The following KMT2D variants were observed in gnomAD, a reference collection of about 807,000 sequenced individuals.
KMT2D encodes histone-lysine N-methyltransferase 2D.
A neutral mutation model predicts 512.7 loss-of-function variants in KMT2D; 55 were observed. The observed-to-expected ratio is 0.11, with a 90% CI of 0.09 to 0.13. KMT2D has a LOEUF of 0.13. Ranked by LOEUF, KMT2D falls within the 10% of genes least tolerant of loss-of-function variation. The probability of loss-of-function intolerance (pLI) is 1.00; values close to 1 mark genes in which losing one functional copy is unlikely to be tolerated. For missense variants in KMT2D, 6,061 were observed against 7,127.9 expected, an observed-to-expected ratio of 0.85 and a Z score of 5.39; for synonymous variants, 2,995 against 2,904.0, an observed-to-expected ratio of 1.03 and a Z score of -1.01.
In KMT2D at chr12:49,041,218, G is replaced by A; in HGVS notation, c.6552C>T (p.Pro2184=). 6.6e-7 allele frequency: 1 copy of A among 1,512,280 alleles called. No homozygotes were observed. 93.7% of individuals were successfully genotyped at this position (1,512,280 alleles called of 1,614,324 possible). A position where few individuals can be genotyped will look rare whatever the true frequency, so the allele number is the denominator to read the frequency against. The change falls in exon 32 of 55, where the codon CCC becomes CCT. Residue 2184 remains proline (P), a synonymous_variant. Coordinates refer to ENST00000301067, the MANE Select transcript of KMT2D (RefSeq NM_003482.4). This position sits in a 1 kb window ranked among gnomAD's most constrained non-coding sequence, Gnocchi z 5.4. The stretch of plus-strand genomic sequence containing the variant: ...GTGCCGTGGGGAAGCGGGGCTCCAG[G>A]GGATAGGCAGGGGCCAGTCCAAAGG... ...QDPFGLAPAY[P]LEPRFPTAPP... is the part of the protein sequence containing the mutation.
Position 49,024,732 on chromosome 12 carries a change from C to T in KMT2D, c.15922-24G>A, listed in dbSNP as rs1942489577. On this transcript the variant is annotated intron_variant, in intron 50 of 54. Coordinates refer to ENST00000301067, the MANE Select transcript of KMT2D (RefSeq NM_003482.4). The surrounding 1 kb of genome is among the most constrained non-coding windows in gnomAD (Gnocchi z 4.5). ...AGCTGTGGGCACAGTTCATACTCAC[C>T]TTAGCCTGAGTTTTTTTGGGGTTAG... 6.2e-7 allele frequency: 1 copy of T among 1,610,278 alleles called. No homozygotes were observed. The highest frequency in any genetic ancestry group is 1.3e-5 in the African/African-American group (1 of 74,854).
At position 49,054,447 on chromosome 12, in the gene KMT2D, GA is replaced by G. The variant is rs1938278892; in HGVS notation, c.401-32del. 1.9e-6 allele frequency: 3 copies of G among 1,569,058 alleles called. No individual in the cohort carries two copies. The highest frequency in any genetic ancestry group is 2.6e-6 in the Non-Finnish European group (3 of 1,156,380). On this transcript the variant is annotated intron_variant, in intron 4 of 54. Coordinates refer to ENST00000301067, the MANE Select transcript of KMT2D (RefSeq NM_003482.4). This position sits in a 1 kb window ranked among gnomAD's most constrained non-coding sequence, Gnocchi z 6.4. Reference sequence around the variant, plus strand: ...CAGGTGGGAAGAGGTAAAGAGAAAGGAAAGAATTAACAAAAAGAGGATTGCT... The same window carrying G: ...CAGGTGGGAAGAGGTAAAGAGAAAGGAAGAATTAACAAAAAGAGGATTGCT...
chr12:49,045,024 G>A (rs1464902709), intron 19 of KMT2D, 59 bp from the exon 20 acceptor site: 3 of 1,504,576 alleles, frequency 2.0e-6, no homozygotes, highest in Non-Finnish European at 2.8e-6. Context: ...AACCAGAACT[G>A]CAAGTTTCAA....
chr12:49,060,328 T>C lies in KMT2D; in HGVS notation c.-753A>G, dbSNP rs961694577. On this transcript the variant is annotated 5_prime_UTR_variant, in exon 1 of 55. Coordinates refer to ENST00000301067, the MANE Select transcript of KMT2D (RefSeq NM_003482.4). ...AGGAAGGGGCGGGCGGTGCGAGCCC[T>C]CTGCCCGCTCCCCTCCGGCCGCTCC... 6.6e-6 allele frequency among the ~76,000 whole-genome samples: 1 copy of C among 151,798 alleles called. No homozygotes were observed. The highest frequency in any genetic ancestry group is 1.5e-5 in the Non-Finnish European group (1 of 67,930).
At position 49,027,823 on chromosome 12, in the gene KMT2D, T is replaced by C. The variant is rs200051300; in HGVS notation, c.14623A>G (p.Ile4875Val). 16 of 1,577,574 alleles carry C rather than the reference T, an allele frequency of 1.0e-5. No individual in the cohort carries two copies. The highest frequency in any genetic ancestry group is 2.3e-5 in the East Asian group (1 of 42,786). The change falls in exon 48 of 55, where the codon ATC (isoleucine) becomes GTC (valine). Residue 4875 changes from isoleucine to valine, a missense_variant. Coordinates refer to ENST00000301067, the MANE Select transcript of KMT2D (RefSeq NM_003482.4). ...PGYTLKSQLD[I>V]LSLLKQESPA... Reference sequence around the variant, plus strand: ...CCTACCTGTTTCAGGAGGCTCAAGATGTCTAGTTGGCTCTTCAGGGTATAG... The same window carrying C: ...CCTACCTGTTTCAGGAGGCTCAAGACGTCTAGTTGGCTCTTCAGGGTATAG...
rs1938269281 is a variant in KMT2D at position 49,054,345 on chromosome 12, A to C, written c.472T>G (p.Cys158Gly). ...GVWGQEGPEL[C>G]GVDKAIFSGI... The stretch of plus-strand genomic sequence containing the variant: ...GAGAAGATGGCCTTGTCCACACCAC[A>C]TAGTTCTGGGCCCTCCTGCCCCCAT... Residue 158 changes from cysteine to glycine, a missense_variant, in exon 5 of 55, where the codon TGT (cysteine) becomes GGT (glycine). Cys to Gly is a radical substitution (Grantham distance 159, BLOSUM62 -3). This residue lies in a region of KMT2D where 160 missense variants were observed against 225.8 expected (regional missense o/e 0.71). Transcript: ENST00000301067. The surrounding 1 kb of genome is among the most constrained non-coding windows in gnomAD (Gnocchi z 6.4). 3 of 1,597,676 alleles carry C rather than the reference A, an allele frequency of 1.9e-6. No individual in the cohort carries two copies. Among genetic ancestry groups the C allele is most frequent in the Non-Finnish European group, 2.6e-6 (3 of 1,172,298 alleles).
rs2120645277 is a variant in KMT2D at position 49,050,072 on chromosome 12, G to A, written c.3516C>T (p.Cys1172=). 1 of 1,613,788 alleles carries A rather than the reference G, an allele frequency of 6.2e-7. No homozygotes were observed. Among genetic ancestry groups the A allele is most frequent in the Non-Finnish European group, 8.5e-7 (1 of 1,179,886 alleles). The change falls in exon 12 of 55, where the codon TGC becomes TGT. Residue 1172 remains cysteine (C), a synonymous_variant. Transcript: ENST00000301067. ...PVTPMEVYPE[C]KQTAGQGSPC... ...GTGAGCCCTGCCCTGCTGTCTGCTT[G>A]CATTCGGGGTAGACCTCCATAGGGG...
intron 42 of KMT2D, 75 bp from the exon 43 acceptor site, chr12:49,030,514 C>A (rs1336762367): frequency 3.5e-6 from 5 of 1,447,618 alleles, no homozygotes; most frequent in Non-Finnish European, 2.8e-6. Flanking sequence ...CCCCACTCTA[C>A]GTCAGCAATT....
chr12:49,051,299 G>A lies in KMT2D; in HGVS notation c.2384C>T (p.Pro795Leu), dbSNP rs778097808. ...TTCCTCAGGCTGAGGGGACAGATGT[G>A]GTCCCTCAGCCTGGGGGGACAAGTG... ...EPHLSPQAEG[P>L]HLSPQPEELH... The change falls in exon 11 of 55, where the codon CCA becomes CTA. Residue 795 changes from proline (P) to leucine (L), a missense_variant. Coordinates refer to ENST00000301067, the MANE Select transcript of KMT2D (RefSeq NM_003482.4). 1 of 1,577,956 alleles carries A rather than the reference G, an allele frequency of 6.3e-7. No individual in the cohort carries two copies. Among genetic ancestry groups the A allele is most frequent in the Non-Finnish European group, 8.6e-7 (1 of 1,159,490 alleles).
Position 49,045,902 on chromosome 12 carries a change from A to C in KMT2D, c.4741+18T>G. 1 of 1,608,976 alleles carries C rather than the reference A, an allele frequency of 6.2e-7. No homozygotes were observed. Among genetic ancestry groups the C allele is most frequent in the Non-Finnish European group, 8.5e-7 (1 of 1,175,404 alleles). ...GACGTCTGGTCTGGCTTTGGCATTC[A>C]AAATTTCTGTGACTCACCTGGCTCT... On this transcript the variant is annotated intron_variant, in intron 19 of 54. Transcript: ENST00000301067.
rs762461858 is a variant in KMT2D, at chr12:49,034,661, T to C, written c.10361A>G (p.Gln3454Arg). The C allele has an allele frequency of 6.2e-7, 1 of 1,612,788 alleles. No individual in the cohort carries two copies. The highest frequency in any genetic ancestry group is 2.2e-5 in the East Asian group (1 of 44,830). Residue 3454 changes from glutamine to arginine, a missense_variant, in exon 37 of 55, where the codon CAA becomes CGA. Around this residue, in one of 16 missense-constraint regions of KMT2D, gnomAD observed 533 missense variants for 539.6 expected, o/e 0.99. Coordinates refer to ENST00000301067, the MANE Select transcript of KMT2D (RefSeq NM_003482.4). ...IGVAPGMNRQ[Q>R]VSLLAQRLSG... ...GAGCCTCTGGGCTAGCAGAGACACTTGCTGTCTGGAGTCCACCAAAGCACA... is the reference window on the plus strand; with the variant it reads ...GAGCCTCTGGGCTAGCAGAGACACTCGCTGTCTGGAGTCCACCAAAGCACA...
At position 49,044,099 on chromosome 12, in the gene KMT2D, G is replaced by A. The variant is rs1943671722; in HGVS notation, c.5188+101C>T. On this transcript the variant is annotated intron_variant, in intron 22 of 54. Transcript: ENST00000301067. The surrounding 1 kb of genome is among the most constrained non-coding windows in gnomAD (Gnocchi z 6.4). ...TACTCTCTCCCACAACACCAGCTGGGTCTACCACCCTCTTGGCCCTTTCAA... is the reference window on the plus strand; with the variant it reads ...TACTCTCTCCCACAACACCAGCTGGATCTACCACCCTCTTGGCCCTTTCAA... 1.3e-6 allele frequency: 2 copies of A among 1,589,904 alleles called. No individual in the cohort carries two copies. Among genetic ancestry groups the A allele is most frequent in the African/African-American group, 1.3e-5 (1 of 74,586 alleles).
Position 49,051,490 on chromosome 12 carries a change from C to A in KMT2D, c.2193G>T (p.Glu731Asp), listed in dbSNP as rs759469160. Residue 731 changes from glutamate (E) to aspartate (D), a missense_variant, in exon 11 of 55, where the codon GAG becomes GAT. Around this residue, in one of 16 missense-constraint regions of KMT2D, gnomAD observed 848 missense variants for 838.5 expected, o/e 1.01. Coordinates refer to ENST00000301067, the MANE Select transcript of KMT2D (RefSeq NM_003482.4). ...CCTCGGACCGGGGGCAGAGTTGCGG[C>A]TCCTCAGGTAGTGGCAACAGGGGTG... Reference protein sequence around the residue: ...EESPLLPLPEEPQLCPRSEGP... With the variant: ...EESPLLPLPEDPQLCPRSEGP... 12 of 1,613,712 alleles carry A rather than the reference C, an allele frequency of 7.4e-6. No homozygotes were observed. The highest frequency in any genetic ancestry group is 1.0e-5 in the Non-Finnish European group (12 of 1,179,760).
Position 49,050,737 on chromosome 12 carries a change from G to A in KMT2D, c.2851C>T (p.Leu951=), listed in dbSNP as rs2120656065. 1 of 1,613,092 alleles carries A rather than the reference G, an allele frequency of 6.2e-7. No individual in the cohort carries two copies. The highest frequency in any genetic ancestry group is 8.5e-7 in the Non-Finnish European group (1 of 1,179,334). ...PIITAAAPPA[L]SPLGELEYPF... ...TACTCTAACTCCCCCAAAGGAGACA[G>A]GGCCGGTGGGGCCGCAGCTGTGATG... The change falls in exon 12 of 55, where the codon CTG becomes TTG. Residue 951 remains leucine (L), a synonymous_variant. Transcript: ENST00000301067.
At position 49,031,377 on chromosome 12, in the gene KMT2D, G is replaced by C; in HGVS notation, c.13328C>G (p.Pro4443Arg). The part of the protein sequence containing the change: ...REANGEPIGA[P>R]GTSNHLLLAG... ...CAGCAGGAGGTGGTTGCTGGTTCCT[G>C]GTGCCCCTATTGGCTCCCCATTGGC... The change falls in exon 40 of 55, where the codon CCA (proline) becomes CGA (arginine). Residue 4443 changes from proline (P) to arginine (R), a missense_variant. Pro to Arg is a moderately radical substitution (Grantham distance 103). This residue lies in a region of KMT2D where 1,600 missense variants were observed against 1,754.9 expected (regional missense o/e 0.91). Coordinates refer to ENST00000301067, the MANE Select transcript of KMT2D (RefSeq NM_003482.4). The C allele has an allele frequency of 1.2e-6, 2 of 1,613,568 alleles. No homozygotes were observed. The highest frequency in any genetic ancestry group is 1.7e-6 in the Non-Finnish European group (2 of 1,179,886).
In KMT2D at chr12:49,049,198, T is replaced by G; in HGVS notation, c.3927A>C (p.Pro1309=). ...CTCCTCCACGAGGCCGGCGTCTTCC[T>G]GGGAAACTGCTGCTGCGACCCTGAG... ...RIKQGRSSSF[P]GRRRPRGGAH... Residue 1309 remains proline, a synonymous_variant, in exon 13 of 55, where the codon CCA becomes CCC. Transcript: ENST00000301067. The G allele has an allele frequency of 6.2e-7, 1 of 1,605,610 alleles. No individual in the cohort carries two copies. The highest frequency in any genetic ancestry group is 8.5e-7 in the Non-Finnish European group (1 of 1,175,572).
rs200051300 is a variant in KMT2D at position 49,027,823 on chromosome 12, T to G, written c.14623A>C (p.Ile4875Leu). Reference sequence around the variant, plus strand: ...CCTACCTGTTTCAGGAGGCTCAAGATGTCTAGTTGGCTCTTCAGGGTATAG... The same window carrying G: ...CCTACCTGTTTCAGGAGGCTCAAGAGGTCTAGTTGGCTCTTCAGGGTATAG... ...PGYTLKSQLD[I>L]LSLLKQESPA... The change falls in exon 48 of 55, where the codon ATC becomes CTC. Residue 4875 changes from isoleucine (I) to leucine (L), a missense_variant. Around this residue, in one of 16 missense-constraint regions of KMT2D, gnomAD observed 1,600 missense variants for 1,754.9 expected, o/e 0.91. Transcript: ENST00000301067. The G allele has an allele frequency of 5.7e-6, 9 of 1,577,574 alleles. No homozygotes were observed. The South Asian group carries it at 1.0e-4, about 18-fold the overall frequency.
rs745985095 is a variant in KMT2D, at chr12:49,037,731, G to T, written c.9625C>A (p.Leu3209Met). 1 of 1,588,956 alleles carries T rather than the reference G, an allele frequency of 6.3e-7. No homozygotes were observed. Among genetic ancestry groups the T allele is most frequent in the East Asian group, 2.3e-5 (1 of 43,596 alleles). Residue 3209 changes from leucine (L) to methionine (M), a missense_variant, in exon 35 of 55, where the codon CTG becomes ATG. Around this residue, in one of 16 missense-constraint regions of KMT2D, gnomAD observed 533 missense variants for 539.6 expected, o/e 0.99. Coordinates refer to ENST00000301067, the MANE Select transcript of KMT2D (RefSeq NM_003482.4). ...CTCTCGAGCTCAAACTTTTCCAGCAGGGAGGATCCTCCTGGGCCACTCAGT... is the reference window on the plus strand; with the variant it reads ...CTCTCGAGCTCAAACTTTTCCAGCATGGAGGATCCTCCTGGGCCACTCAGT... Reference protein sequence around the residue: ...SPLSGPGGSSLLEKFELESGA... With the variant: ...SPLSGPGGSSMLEKFELESGA...
In KMT2D at chr12:49,041,012, T is replaced by C; in HGVS notation, c.6758A>G (p.Asp2253Gly). The C allele has an allele frequency of 6.3e-7, 1 of 1,588,686 alleles. No individual in the cohort carries two copies. ...AGGGCTCTCAGGCACAGCCAAGTTATCCAGCGAGGGGCAGCGGGGTTTGAG... is the reference window on the plus strand; with the variant it reads ...AGGGCTCTCAGGCACAGCCAAGTTACCCAGCGAGGGGCAGCGGGGTTTGAG... ...PFLKPRCPSL[D>G]NLAVPESPGV... The change falls in exon 32 of 55, where the codon GAT becomes GGT. Residue 2253 changes from aspartate to glycine, a missense_variant. Transcript: ENST00000301067. The surrounding 1 kb of genome is among the most constrained non-coding windows in gnomAD (Gnocchi z 5.4).
Sources: allele counts gnomAD v4.1 joint callset (sites outside exome capture counted in the v4.1 genomes callset), GRCh38; gene constraint gnomAD v4.1.1; regional missense constraint gnomAD v4.1.1; non-coding constraint Gnocchi (gnomAD v3.1); transcripts MANE v1.5; gene names NCBI Gene and HGNC (gene_info 2026-07-23, HGNC 2026-07-21).